NVL: variants seen among roughly 807,000 people sequenced by gnomAD.
NVL encodes nuclear VCP like.
A neutral mutation model predicts 110.2 loss-of-function variants in NVL; 84 were observed. The observed-to-expected ratio is 0.76, with a 90% CI of 0.64 to 0.91. The LOEUF is 0.91. Among genes scored for constraint, NVL ranks in the 40% least tolerant of loss-of-function variants. NVL has a pLI of 0.00. For synonymous variants in NVL, 354 were observed against 361.1 expected, an observed-to-expected ratio of 0.98 and a Z score of 0.22; for missense variants, 882 against 1,035.9, an observed-to-expected ratio of 0.85 and a Z score of 2.04.
intron 16 of NVL, among the ~76,000 whole-genome samples, chr1:224,277,818 T>C (rs934959218): frequency 1.3e-5 from 2 of 152,204 alleles, no homozygotes; most frequent in African/African-American, 2.4e-5. Context: ...ACTCTCACTA[T>C]CTTTTATACT....
chr1:224,284,528 A>C (rs1666670606), intron 15 of NVL, among the ~76,000 whole-genome samples: 1 of 152,016 alleles, frequency 6.6e-6, no homozygotes, highest in African/African-American at 2.4e-5. Context: ...GGCATGCACC[A>C]CTACATCTGG....
rs998497168 is a variant in NVL, at chr1:224,328,226, G to A, written c.58-1762C>T. 2.6e-5 allele frequency among the ~76,000 whole-genome samples: 4 copies of A among 152,136 alleles called. No homozygotes were observed. The South Asian group carries it at 8.3e-4, about 32-fold the overall frequency. On this transcript the variant is annotated intron_variant, in intron 1 of 22. Coordinates refer to ENST00000281701, the MANE Select transcript of NVL (RefSeq NM_002533.4). ...CCTAATGCTATCCCTCCCCTAGCCC[G>A]ATTTTTCCCTTTAAAAGGATGTCTT...
chr1:224,304,992 C>T, intron 7 of NVL, 42 bp downstream of exon 7: 1 of 1,605,656 alleles, frequency 6.2e-7, no homozygotes, highest in Non-Finnish European at 8.5e-7. Flanking sequence ...GCTTCTCTCA[C>T]TGCAAACATG....
intron 5 of NVL, among the ~76,000 whole-genome samples, chr1:224,309,000 G>T (rs1354551465): frequency 6.7e-6 from 1 of 148,724 alleles, no homozygotes; most frequent in Non-Finnish European, 1.5e-5. Flanking sequence ...GGCGGAGCTT[G>T]CAGTGAGCCG....
At chr1:224,301,636 T>TA (rs1668420476) in intron 9 of NVL, 6 of 326,414 alleles carry the variant, frequency 1.8e-5, no homozygotes, top group South Asian at 2.3e-5. Context: ...ACCCCACCTC[T>TA]AAAAAAATAA....
intron 19 of NVL, among the ~76,000 whole-genome samples, chr1:224,240,214 C>T (rs1177664403): frequency 6.6e-6 from 1 of 151,862 alleles, no homozygotes; most frequent in East Asian, 1.9e-4. Flanking sequence ...ATTACAGTTG[C>T]CCGCCACCAC....
chr1:224,320,334 A>AT (rs1670519064), intron 2 of NVL, among the ~76,000 whole-genome samples: 2 of 152,092 alleles, frequency 1.3e-5, no homozygotes, highest in Non-Finnish European at 2.9e-5. Flanking sequence ...TCTTTGTACT[A>AT]TTTTTTCCAT....
chr1:224,271,498 A>G (rs1368391424), intron 17 of NVL, among the ~76,000 whole-genome samples: 2 of 152,044 alleles, frequency 1.3e-5, no homozygotes, highest in Non-Finnish European at 2.9e-5. Context: ...GTCTCAAACA[A>G]CAGCAACAAC....
rs564001839 is a variant in NVL, at chr1:224,285,256, G to A, written c.1899+770C>T. 2.1e-3 allele frequency among the ~76,000 whole-genome samples: 320 copies of A among 152,164 alleles called. 1 individual carries two copies. The Middle Eastern group carries it at 0.031, about 15-fold the overall frequency. On this transcript the variant is annotated intron_variant, in intron 15 of 22. Coordinates refer to ENST00000281701, the MANE Select transcript of NVL (RefSeq NM_002533.4). ...TCGAGACCAGCCTAACCAACATGGT[G>A]AAACCCCATCTCTACTAAAAATACA...
At chr1:224,272,777 G>A (rs1259234037) in intron 17 of NVL, among the ~76,000 whole-genome samples, 2 of 151,794 alleles carry the variant, frequency 1.3e-5, no homozygotes, top group African/African-American at 2.4e-5. Flanking sequence ...GCTCATGCCT[G>A]TAATCCCAGC....
intron 6 of NVL, among the ~76,000 whole-genome samples, chr1:224,305,829 C>T (rs746532165): frequency 6.6e-6 from 1 of 152,246 alleles, no homozygotes; most frequent in Non-Finnish European, 1.5e-5. Context: ...AGGCGTGAGC[C>T]GCCCTGCACG....
chr1:224,229,189 G>A (rs1188154231), intron 22 of NVL, among the ~76,000 whole-genome samples: 2 of 151,642 alleles, frequency 1.3e-5, no homozygotes, highest in Non-Finnish European at 2.9e-5. Context: ...CCAGCTACTC[G>A]GGAGGCTGAA....
intron 2 of NVL, among the ~76,000 whole-genome samples, chr1:224,320,946 T>C (rs1670584098): frequency 6.6e-6 from 1 of 152,212 alleles, no homozygotes; most frequent in Admixed American, 6.5e-5. Flanking sequence ...TACTAAATCA[T>C]GACCATTTAA....
chr1:224,253,749 G>A (rs10158281), intron 18 of NVL, among the ~76,000 whole-genome samples: 125,008 of 143,104 alleles, frequency 0.87, 55,312 homozygotes, highest in Non-Finnish European at 0.94. Context: ...AAAAAAAAAA[G>A]AAAAGAAAAA....
At chr1:224,258,383 G>A (rs1663536338) in intron 18 of NVL, among the ~76,000 whole-genome samples, 1 of 152,032 alleles carries the variant, frequency 6.6e-6, no homozygotes, top group African/African-American at 2.4e-5. Context: ...GACAATAACA[G>A]GTATTAGTAA....
At chr1:224,305,483 GA>G (rs765498742) in intron 6 of NVL, 6,248 of 167,066 alleles carry the variant, frequency 0.037, 62 homozygotes, top group African/African-American at 0.064. Flanking sequence ...CCCATATGGG[GA>G]AAAAAAAAAA....
intron 8 of NVL, among the ~76,000 whole-genome samples, chr1:224,304,209 G>A (rs759328114): frequency 1.2e-4 from 18 of 152,088 alleles, no homozygotes; most frequent in African/African-American, 1.7e-4. Context: ...GGCAGATCAC[G>A]AAGTCAGGAG....
intron 10 of NVL, among the ~76,000 whole-genome samples, chr1:224,299,939 C>T (rs1196470199): frequency 2.6e-5 from 4 of 152,042 alleles, no homozygotes; most frequent in Non-Finnish European, 5.9e-5. Flanking sequence ...ATTGTCATTG[C>T]TAATAATGAC....
chr1:224,246,802 G>A (rs904933248), intron 19 of NVL, among the ~76,000 whole-genome samples: 4 of 151,918 alleles, frequency 2.6e-5, no homozygotes, highest in African/African-American at 9.7e-5. Flanking sequence ...TTGGGAGGCC[G>A]TGGTGGGCGG....
Sources: allele counts gnomAD v4.1 joint callset (sites outside exome capture counted in the v4.1 genomes callset), GRCh38; gene constraint gnomAD v4.1.1; transcripts MANE v1.5; gene names NCBI Gene and HGNC (gene_info 2026-07-23, HGNC 2026-07-21).